LSAMP: variants seen among roughly 807,000 people sequenced by gnomAD.
The protein encoded by LSAMP is limbic system associated membrane protein.
A neutral mutation model predicts 38.6 loss-of-function variants in LSAMP; 7 were observed. The ratio of observed to expected loss-of-function variants is 0.18; its 90% CI spans 0.10 to 0.34. The LOEUF is 0.34. Ranked by LOEUF, LSAMP falls within the 10% of genes least tolerant of loss-of-function variation. The probability of loss-of-function intolerance (pLI) is 1.00; values close to 1 mark genes in which losing one functional copy is unlikely to be tolerated. For missense variants in LSAMP, 313 were observed against 420.0 expected (o/e 0.75, Z 2.23); for synonymous variants, 154 against 166.8 (o/e 0.92, Z 0.59).
intron 3 of LSAMP, among the ~76,000 whole-genome samples, chr3:115,879,343 A>C (rs1936264666): frequency 2.0e-5 from 3 of 152,158 alleles, no homozygotes; most frequent in Non-Finnish European, 4.4e-5. Context: ...ACACAAATAA[A>C]ACCCAAAGAT....
At chr3:116,289,384 C>A (rs1400915871) in intron 1 of LSAMP, among the ~76,000 whole-genome samples, 1 of 152,148 alleles carries the variant, frequency 6.6e-6, no homozygotes, top group Non-Finnish European at 1.5e-5. Context: ...GTTTAAACAG[C>A]AATTTCTACC....
intron 2 of LSAMP, among the ~76,000 whole-genome samples, chr3:116,068,948 C>T (rs1197350590): frequency 6.6e-6 from 1 of 152,114 alleles, no homozygotes; most frequent in East Asian, 1.9e-4. Context: ...TCCCATATTA[C>T]AGAGAAAGAA....
Position 115,866,938 on chromosome 3 carries a change from G to A in LSAMP, c.515-14321C>T, listed in dbSNP as rs547666001. 2.0e-5 allele frequency among the ~76,000 whole-genome samples: 3 copies of A among 152,124 alleles called. No homozygotes were observed. The South Asian group carries it at 6.2e-4, about 32-fold the overall frequency. ...ACCTAAGGGATTTCACAGCCTGCAG[G>A]CAAGCAGAATGGGTACTTGTGGGAA... On this transcript the variant is annotated intron_variant, in intron 3 of 6. Transcript: ENST00000490035.
chr3:116,384,091 A>G (rs1266369327), intron 1 of LSAMP, among the ~76,000 whole-genome samples: 1 of 152,140 alleles, frequency 6.6e-6, no homozygotes, highest in Non-Finnish European at 1.5e-5. Flanking sequence ...TAATCAAGCC[A>G]GAGAATTATT....
chr3:116,173,811 G>A (rs1710269205), intron 1 of LSAMP, among the ~76,000 whole-genome samples: 1 of 146,604 alleles, frequency 6.8e-6, no homozygotes, highest in Non-Finnish European at 1.5e-5. Flanking sequence ...AATTGGGAAA[G>A]CAATCTCCAG....
At chr3:116,236,444 G>T (rs182847403) in intron 1 of LSAMP, among the ~76,000 whole-genome samples, 6 of 152,132 alleles carry the variant, frequency 3.9e-5, no homozygotes, top group Non-Finnish European at 4.4e-5. Flanking sequence ...AAACAATGAA[G>T]AAAATTATTC....
chr3:115,987,320 T>G (rs1050399601), intron 3 of LSAMP, among the ~76,000 whole-genome samples: 1 of 152,170 alleles, frequency 6.6e-6, no homozygotes, highest in African/African-American at 2.4e-5. Flanking sequence ...CTAGTGCCTT[T>G]CCTGTTCTTT....
rs762351699 is a variant in LSAMP at position 115,810,194 on chromosome 3, A to C, written c.*123T>G. ...TTTCCCCCTTCATGTATAAACACAC[A>C]AAGTTGTGAAATAAACGGTCTCCCC... On this transcript the variant is annotated 3_prime_UTR_variant, in exon 7 of 7. Coordinates refer to ENST00000490035, the MANE Select transcript of LSAMP (RefSeq NM_002338.5). 1.9e-5 allele frequency: 12 copies of C among 644,196 alleles called. No homozygotes were observed. Among genetic ancestry groups the C allele is most frequent in the Non-Finnish European group, 2.9e-5 (11 of 374,542 alleles). The allele number at this position is 644,196 out of a possible 1,614,324, so 39.9% of individuals were successfully genotyped here. A position where few individuals can be genotyped will look rare whatever the true frequency, so the allele number is the denominator to read the frequency against.
chr3:116,334,501 T>C (rs1320155166), intron 1 of LSAMP, among the ~76,000 whole-genome samples: 1 of 152,084 alleles, frequency 6.6e-6, no homozygotes, highest in Non-Finnish European at 1.5e-5. Context: ...AATAAAAGTC[T>C]AGAAAACTGA....
At chr3:116,254,274 T>C (rs2107651711) in intron 1 of LSAMP, among the ~76,000 whole-genome samples, 1 of 152,270 alleles carries the variant, frequency 6.6e-6, no homozygotes, top group African/African-American at 2.4e-5. Context: ...GTCCATGTAT[T>C]GATTCATGTA....
At chr3:116,027,454 T>C (rs1214796506) in intron 2 of LSAMP, among the ~76,000 whole-genome samples, 2 of 152,194 alleles carry the variant, frequency 1.3e-5, no homozygotes, top group Non-Finnish European at 2.9e-5. Flanking sequence ...TTATTTCATA[T>C]TCTTCCAATG....
intron 3 of LSAMP, among the ~76,000 whole-genome samples, chr3:115,962,276 GCT>G (rs1938652861): frequency 1.3e-5 from 2 of 152,120 alleles, no homozygotes; most frequent in South Asian, 4.1e-4. Context: ...ATGTGCTTAG[GCT>G]CTGTTTTTAC....
chr3:116,254,678 A>G (rs1407333831), intron 1 of LSAMP, among the ~76,000 whole-genome samples: 1 of 152,170 alleles, frequency 6.6e-6, no homozygotes, highest in Admixed American at 6.5e-5. Flanking sequence ...ACTTTCGCCT[A>G]TGGCTTGATC....
chr3:116,415,583 G>A (rs2049039220), intron 1 of LSAMP, among the ~76,000 whole-genome samples: 1 of 152,068 alleles, frequency 6.6e-6, no homozygotes, highest in Non-Finnish European at 1.5e-5. Flanking sequence ...AGATCATCTT[G>A]GTTTTCTCGT....
At chr3:116,277,834 T>G (rs2047076206) in intron 1 of LSAMP, among the ~76,000 whole-genome samples, 1 of 152,208 alleles carries the variant, frequency 6.6e-6, no homozygotes, top group Non-Finnish European at 1.5e-5. Flanking sequence ...AGACTCAGCC[T>G]GCTCTTATTT....
rs553822132 is a variant in LSAMP, at chr3:116,243,616, T to C, written c.156-157060A>G. On this transcript the variant is annotated intron_variant, in intron 1 of 6. Coordinates refer to ENST00000490035, the MANE Select transcript of LSAMP (RefSeq NM_002338.5). ...TCATCTACCCTGAAACAGTGAGAAC[T>C]CAAGAATTCTTATGCTTGAAGACAA... Among the ~76,000 whole-genome samples, 232 of 152,276 alleles carry C rather than the reference T, an allele frequency of 1.5e-3. 1 individual carries two copies. Among genetic ancestry groups the C allele is most frequent in the Non-Finnish European group, 2.4e-3 (165 of 68,012 alleles).
intron 3 of LSAMP, among the ~76,000 whole-genome samples, chr3:116,000,064 A>G (rs1230606493): frequency 6.6e-6 from 1 of 152,178 alleles, no homozygotes; most frequent in East Asian, 1.9e-4. Flanking sequence ...GAGAGATTAA[A>G]CAATGGTTTC....
At chr3:115,877,299 T>C (rs1166623778) in intron 3 of LSAMP, among the ~76,000 whole-genome samples, 1 of 151,994 alleles carries the variant, frequency 6.6e-6, no homozygotes, top group Non-Finnish European at 1.5e-5. Context: ...CCCACCCTCA[T>C]GCCTCTGCCT....
chr3:116,008,687 AT>A (rs373457876), intron 3 of LSAMP, among the ~76,000 whole-genome samples: 3,809 of 146,530 alleles, frequency 0.026, 126 homozygotes, highest in African/African-American at 0.082. Flanking sequence ...CCCCACCAAT[AT>A]TTTTTTTTTT....
Sources: gnomAD v4.1 joint callset for allele counts (sites outside exome capture counted in the v4.1 genomes callset) on GRCh38, gnomAD v4.1.1 for gene constraint, MANE v1.5 for transcripts, NCBI Gene and HGNC (gene_info 2026-07-23, HGNC 2026-07-21) for gene names.